Variants in PLCE1 observed in about 807,000 individuals in gnomAD.
PLCE1 encodes phospholipase C epsilon 1.
PLCE1 carries 119 observed loss-of-function variants against 242.8 expected under a neutral mutation model. The observed-to-expected ratio is 0.49, with a 90% CI of 0.42 to 0.57. The LOEUF (loss-of-function observed/expected upper bound fraction) is 0.57. Among genes scored for constraint, PLCE1 ranks in the 20% least tolerant of loss-of-function variants. The pLI, the probability that PLCE1 is intolerant of heterozygous loss-of-function variation, is 0.00. For missense variants in PLCE1, 2,441 were observed against 2,788.8 expected, an observed-to-expected ratio of 0.88 and a Z score of 2.81; for synonymous variants, 945 against 1,017.4, an observed-to-expected ratio of 0.93 and a Z score of 1.35.
At chr10:94,300,713 G>A (rs998953701) in intron 24 of PLCE1, among the ~76,000 whole-genome samples, 1 of 152,174 alleles carries the variant, frequency 6.6e-6, no homozygotes, top group Non-Finnish European at 1.5e-5. Context: ...TGTGGTTCTT[G>A]ATTTTTGGTC....
rs893846479 is a variant in PLCE1, at chr10:94,308,490, G to T, written c.5885-91G>T. On this transcript the variant is annotated intron_variant, in intron 26 of 32. Coordinates refer to ENST00000371380, the MANE Select transcript of PLCE1 (RefSeq NM_016341.4). Reference sequence around the variant, plus strand: ...TGTTGCCATCCCTGCCCATTTTAAGGTCTTTCTACCTGTCATTTGCCGACT... The same window carrying T: ...TGTTGCCATCCCTGCCCATTTTAAGTTCTTTCTACCTGTCATTTGCCGACT... 2.5e-5 allele frequency: 22 copies of T among 892,134 alleles called. No homozygotes were observed. In the Middle Eastern group the frequency reaches 6.4e-4, roughly 26 times the overall value. The allele number at this position is 892,134 out of a possible 1,614,324, so 55.3% of individuals were successfully genotyped here.
intron 2 of PLCE1, among the ~76,000 whole-genome samples, chr10:94,040,372 T>C (rs2061741860): frequency 6.6e-6 from 1 of 152,232 alleles, no homozygotes; most frequent in Non-Finnish European, 1.5e-5. Context: ...TCTAAATTGT[T>C]TTTTTTATTA....
At chr10:94,227,077 A>G (rs914528014) in intron 4 of PLCE1, 8 of 463,786 alleles carry the variant, frequency 1.7e-5, no homozygotes, top group Admixed American at 6.7e-5. Context: ...GGCTTTCACC[A>G]CGCTGGCCAG....
chr10:94,116,290 C>A (rs2046127119), intron 2 of PLCE1, among the ~76,000 whole-genome samples: 1 of 152,094 alleles, frequency 6.6e-6, no homozygotes, highest in Non-Finnish European at 1.5e-5. Context: ...TGTCTTGTGT[C>A]TGAATATAAT....
intron 3 of PLCE1, among the ~76,000 whole-genome samples, chr10:94,134,256 G>A (rs895114627): frequency 3.9e-5 from 6 of 152,000 alleles, no homozygotes; most frequent in African/African-American, 9.7e-5. Flanking sequence ...ACGCCACCTC[G>A]TCTGGCTAAT....
At chr10:94,101,631 C>T (rs2045540180) in intron 2 of PLCE1, among the ~76,000 whole-genome samples, 1 of 152,088 alleles carries the variant, frequency 6.6e-6, no homozygotes, top group African/African-American at 2.4e-5. Flanking sequence ...GTGAGCTACT[C>T]GGTAAATACA....
intron 4 of PLCE1, among the ~76,000 whole-genome samples, chr10:94,176,031 CA>C (rs2048115652): frequency 6.6e-6 from 1 of 152,100 alleles, no homozygotes; most frequent in South Asian, 2.1e-4. Flanking sequence ...CATGGGAGTG[CA>C]GATATCTCTT....
At chr10:94,088,421 T>C (rs1419802720) in intron 2 of PLCE1, among the ~76,000 whole-genome samples, 1 of 152,226 alleles carries the variant, frequency 6.6e-6, no homozygotes, top group Non-Finnish European at 1.5e-5. Context: ...GACAGACTTT[T>C]ACCCCTCCCT....
intron 29 of PLCE1, 147 bp from the exon 30 acceptor site, chr10:94,321,754 G>C: frequency 1.5e-6 from 1 of 650,186 alleles, no homozygotes; most frequent in South Asian, 1.9e-5. Flanking sequence ...TTTTAGAACA[G>C]TTTATGAAAT....
intron 30 of PLCE1, among the ~76,000 whole-genome samples, chr10:94,324,049 C>A (rs961811811): frequency 6.6e-6 from 1 of 152,158 alleles, no homozygotes; most frequent in Non-Finnish European, 1.5e-5. Context: ...TTTATTGTTA[C>A]TATTATAGCT....
At chr10:94,273,531 T>C in intron 18 of PLCE1, 31 bp from the exon 19 acceptor site, 1 of 1,593,816 alleles carries the variant, frequency 6.3e-7, no homozygotes, top group Non-Finnish European at 8.6e-7. Flanking sequence ...ATAAAAGGCA[T>C]TGATTGTATG....
At chr10:94,169,013 A>G (rs770389921) in intron 3 of PLCE1, among the ~76,000 whole-genome samples, 2 of 152,168 alleles carry the variant, frequency 1.3e-5, no homozygotes, top group Admixed American at 6.5e-5. Context: ...TTTTTTTTTA[A>G]TATGAGCTTA....
chr10:94,014,630 C>G (rs554670297), intron 1 of PLCE1, among the ~76,000 whole-genome samples: 79 of 152,218 alleles, frequency 5.2e-4, no homozygotes, highest in Non-Finnish European at 9.6e-4. Flanking sequence ...AACTCCATAC[C>G]CATTAAACAA....
At chr10:94,230,225 A>G (rs2050095983) in intron 5 of PLCE1, among the ~76,000 whole-genome samples, 1 of 152,232 alleles carries the variant, frequency 6.6e-6, no homozygotes, top group African/African-American at 2.4e-5. Flanking sequence ...GTCAGTTTAA[A>G]ATAACCCAAA....
At chr10:94,321,495 G>A (rs1299366459) in intron 29 of PLCE1, among the ~76,000 whole-genome samples, 2 of 152,116 alleles carry the variant, frequency 1.3e-5, no homozygotes, top group Non-Finnish European at 2.9e-5. Flanking sequence ...AGGCATGGTG[G>A]CACACATCTG....
At chr10:94,300,996 G>GATT (rs2053014478) in intron 24 of PLCE1, among the ~76,000 whole-genome samples, 1 of 151,748 alleles carries the variant, frequency 6.6e-6, no homozygotes, top group Non-Finnish European at 1.5e-5. Context: ...AGTGTATCAA[G>GATT]ATTGTGCCAC....
At chr10:94,238,705 T>C (rs2050404682) in intron 7 of PLCE1, among the ~76,000 whole-genome samples, 1 of 152,160 alleles carries the variant, frequency 6.6e-6, no homozygotes, top group South Asian at 2.1e-4. Flanking sequence ...AAGAGTAGCA[T>C]GTGGCACCAT....
intron 25 of PLCE1, among the ~76,000 whole-genome samples, chr10:94,305,275 A>G (rs143570972): frequency 6.6e-6 from 1 of 152,140 alleles, no homozygotes; most frequent in Non-Finnish European, 1.5e-5. Flanking sequence ...ACAAAAAAAT[A>G]ACAAAAAAAA....
At chr10:94,006,384 A>T (rs1321527785) in intron 1 of PLCE1, among the ~76,000 whole-genome samples, 1 of 152,228 alleles carries the variant, frequency 6.6e-6, no homozygotes, top group Non-Finnish European at 1.5e-5. Context: ...GTAAGGATCC[A>T]TGAAAGGTTT....
Sources: gnomAD v4.1 joint callset for allele counts (sites outside exome capture counted in the v4.1 genomes callset) on GRCh38, gnomAD v4.1.1 for gene constraint, MANE v1.5 for transcripts, NCBI Gene and HGNC (gene_info 2026-07-23, HGNC 2026-07-21) for gene names.